Variants in ITGBL1 observed in about 807,000 individuals in gnomAD.
ITGBL1 encodes integrin subunit beta like 1, also known as integrin beta-like protein 1.
In ITGBL1, 51 loss-of-function variants were observed where a neutral mutation model predicts 68.5. The observed-to-expected ratio is 0.74, with a 90% CI of 0.59 to 0.94. The LOEUF (loss-of-function observed/expected upper bound fraction) is 0.94. Among genes scored for constraint, ITGBL1 ranks in the 40% least tolerant of loss-of-function variants. The pLI, the probability that ITGBL1 is intolerant of heterozygous loss-of-function variation, is 0.00. For synonymous variants in ITGBL1, 209 were observed against 227.3 expected, an observed-to-expected ratio of 0.92 and a Z score of 0.72; for missense variants, 649 against 647.4, an observed-to-expected ratio of 1.00 and a Z score of -0.03.
At chr13:101,458,688 C>T (rs927885074) in intron 2 of ITGBL1, among the ~76,000 whole-genome samples, 5 of 152,208 alleles carry the variant, frequency 3.3e-5, no homozygotes, top group Non-Finnish European at 5.9e-5. Context: ...TACACATCCT[C>T]TAGTAAACTT....
intron 2 of ITGBL1, 100 bp from the exon 3 acceptor site, chr13:101,567,599 G>A (rs2050202116): frequency 2.7e-6 from 3 of 1,093,966 alleles, no homozygotes; most frequent in African/African-American, 3.2e-5. Context: ...ATTTATTATA[G>A]CTCAGTCCCA....
At chr13:101,688,075 CAAAAG>C (rs2033796500) in intron 7 of ITGBL1, among the ~76,000 whole-genome samples, 1 of 151,698 alleles carries the variant, frequency 6.6e-6, no homozygotes, top group Non-Finnish European at 1.5e-5. Context: ...ATTTAGTAAA[CAAAAG>C]AAAAAGATTG....
intron 2 of ITGBL1, among the ~76,000 whole-genome samples, chr13:101,550,544 A>G (rs2049904417): frequency 6.6e-6 from 1 of 152,150 alleles, no homozygotes; most frequent in South Asian, 2.1e-4. Context: ...CAAGAGTCTC[A>G]TGTCTTCTGC....
intron 2 of ITGBL1, among the ~76,000 whole-genome samples, chr13:101,490,481 T>G (rs916007495): frequency 1.9e-4 from 29 of 152,306 alleles, no homozygotes; most frequent in African/African-American, 6.5e-4. Context: ...CTGAAGCCAG[T>G]GAAGACAAGA....
chr13:101,563,973 A>G (rs2050140574), intron 2 of ITGBL1, among the ~76,000 whole-genome samples: 1 of 151,898 alleles, frequency 6.6e-6, no homozygotes, highest in African/African-American at 2.4e-5. Context: ...CAAATGAGGT[A>G]TATCTCAAGA....
intron 7 of ITGBL1, among the ~76,000 whole-genome samples, chr13:101,627,261 CAT>C (rs924160967): frequency 2.6e-5 from 4 of 152,030 alleles, no homozygotes; most frequent in South Asian, 2.1e-4. Flanking sequence ...TTGTAGAAAA[CAT>C]GTGATATTTC....
intron 2 of ITGBL1, among the ~76,000 whole-genome samples, chr13:101,543,878 T>A (rs2049762573): frequency 1.3e-5 from 2 of 152,222 alleles, no homozygotes; most frequent in Non-Finnish European, 2.9e-5. Flanking sequence ...GTCACGTAGT[T>A]CTCGTGCCTT....
chr13:101,494,721 A>G (rs979159088), intron 2 of ITGBL1, among the ~76,000 whole-genome samples: 3 of 152,234 alleles, frequency 2.0e-5, no homozygotes, highest in Non-Finnish European at 4.4e-5. Flanking sequence ...GAGTATGAAG[A>G]CAATATATGG....
At chr13:101,656,101 A>G (rs1337521830) in intron 7 of ITGBL1, among the ~76,000 whole-genome samples, 2 of 152,146 alleles carry the variant, frequency 1.3e-5, no homozygotes, top group African/African-American at 2.4e-5. Context: ...ACGTTTTCTG[A>G]TTGACAATTG....
intron 2 of ITGBL1, among the ~76,000 whole-genome samples, chr13:101,499,739 A>G (rs2048911628): frequency 6.6e-6 from 1 of 152,214 alleles, no homozygotes; most frequent in Non-Finnish European, 1.5e-5. Flanking sequence ...TCTTTACTGG[A>G]TTACTCTGAC....
chr13:101,583,527 A>G (rs1379393549), intron 6 of ITGBL1, among the ~76,000 whole-genome samples, 171 bp downstream of exon 6: 3 of 152,202 alleles, frequency 2.0e-5, no homozygotes, highest in Non-Finnish European at 4.4e-5. Flanking sequence ...TGTAAAGAGT[A>G]TAATTGGATT....
intron 2 of ITGBL1, among the ~76,000 whole-genome samples, chr13:101,483,643 A>G (rs1162705484): frequency 6.6e-6 from 1 of 152,174 alleles, no homozygotes; most frequent in African/African-American, 2.4e-5. Flanking sequence ...TATTTGGGCT[A>G]GTGTGGAGGA....
At position 101,544,789 on chromosome 13, in the gene ITGBL1, A is replaced by T. The variant is rs570725480; in HGVS notation, c.317-22910A>T. On this transcript the variant is annotated intron_variant, in intron 2 of 10. Transcript: ENST00000376180. ...TCCCCGAGCCTTGCTGCTGCCTTGC[A>T]GTTTGATCTCAGACTGCTGTGCTAG... Among the ~76,000 whole-genome samples, 5 of 152,244 alleles carry T rather than the reference A, an allele frequency of 3.3e-5. No individual in the cohort carries two copies. The East Asian group carries it at 9.7e-4, about 30-fold the overall frequency.
At chr13:101,500,922 A>G (rs1225501383) in intron 2 of ITGBL1, among the ~76,000 whole-genome samples, 7 of 152,168 alleles carry the variant, frequency 4.6e-5, no homozygotes, top group Non-Finnish European at 8.8e-5. Context: ...TCCCAACTTC[A>G]TTACCTAGCT....
rs752596341 is a variant in ITGBL1 at position 101,536,412 on chromosome 13, AAAAT to A, written c.317-31280_317-31277del. On this transcript the variant is annotated intron_variant, in intron 2 of 10. Coordinates refer to ENST00000376180, the MANE Select transcript of ITGBL1 (RefSeq NM_004791.3). Reference sequence around the variant, plus strand: ...ATAATTTCTAAACATATATAATTGTAAAATAAATAACCATGAGGGCACGCATTTT... The same window carrying A: ...ATAATTTCTAAACATATATAATTGTAAAATAACCATGAGGGCACGCATTTT... Among the ~76,000 whole-genome samples, 6 of 152,220 alleles carry A rather than the reference AAAAT, an allele frequency of 3.9e-5. No homozygotes were observed. In the East Asian group the frequency reaches 7.7e-4, roughly 20 times the overall value.
chr13:101,555,014 T>C (rs1415341575), intron 2 of ITGBL1, among the ~76,000 whole-genome samples: 1 of 152,188 alleles, frequency 6.6e-6, no homozygotes, highest in East Asian at 1.9e-4. Context: ...AACAACATCA[T>C]AGTTAAACAA....
chr13:101,657,040 T>C (rs886106847), intron 7 of ITGBL1, among the ~76,000 whole-genome samples: 2 of 152,100 alleles, frequency 1.3e-5, no homozygotes, highest in Non-Finnish European at 2.9e-5. Flanking sequence ...TGTGCCATGC[T>C]GGTGCGCTGC....
rs549639318 is a variant in ITGBL1 at position 101,587,356 on chromosome 13, C to A, written c.868+4000C>A. On this transcript the variant is annotated intron_variant, in intron 6 of 10. Transcript: ENST00000376180. ...CAAAATATGTGTGTTTGTGTATGTT[C>A]ATTTGCCCATACACCAACATGACTG... Among the ~76,000 whole-genome samples, 11 of 152,230 alleles carry A rather than the reference C, an allele frequency of 7.2e-5. No homozygotes were observed. In the East Asian group the frequency reaches 1.5e-3, roughly 21 times the overall value.
intron 6 of ITGBL1, among the ~76,000 whole-genome samples, chr13:101,590,181 C>T (rs2050627154): frequency 6.6e-6 from 1 of 152,096 alleles, no homozygotes; most frequent in Non-Finnish European, 1.5e-5. Context: ...GGATAGGATT[C>T]CAACTTTAAA....
Sources: allele counts gnomAD v4.1 joint callset (sites outside exome capture counted in the v4.1 genomes callset), GRCh38; gene constraint gnomAD v4.1.1; transcripts MANE v1.5; gene names NCBI Gene and HGNC (gene_info 2026-07-23, HGNC 2026-07-21).